Variants in CAPZA1 observed in about 807,000 individuals in gnomAD.
The protein encoded by CAPZA1 is capping actin protein of muscle Z-line subunit alpha 1.
Under a neutral mutation model 40.8 loss-of-function variants are expected in CAPZA1, and 10 were observed. The ratio of observed to expected loss-of-function variants is 0.25; its 90% CI spans 0.15 to 0.42. CAPZA1 has a LOEUF of 0.42. Among genes scored for constraint, CAPZA1 ranks in the 10% least tolerant of loss-of-function variants. CAPZA1 has a pLI of 1.00. For missense variants in CAPZA1, 277 were observed against 353.8 expected (o/e 0.78, Z 1.74); for synonymous variants, 98 against 115.0 (o/e 0.85, Z 0.95).
chr1:112,651,164 C>T (rs912549222), intron 3 of CAPZA1, among the ~76,000 whole-genome samples: 55 of 152,288 alleles, frequency 3.6e-4, no homozygotes, highest in African/African-American at 1.3e-3. Context: ...TACCATCTTT[C>T]CTGGATTTCC....
At chr1:112,638,620 T>C (rs916252815) in intron 1 of CAPZA1, among the ~76,000 whole-genome samples, 4 of 151,470 alleles carry the variant, frequency 2.6e-5, no homozygotes, top group Admixed American at 2.6e-4. Flanking sequence ...CAGCCCAGAC[T>C]TTAGATTTTA....
At chr1:112,635,853 A>AC (rs1298490721) in intron 1 of CAPZA1, among the ~76,000 whole-genome samples, 2 of 151,736 alleles carry the variant, frequency 1.3e-5, no homozygotes, top group Admixed American at 6.6e-5. Flanking sequence ...ACACGGTGAA[A>AC]CCCCACCTCT....
At chr1:112,645,136 C>T (rs1039160379) in intron 1 of CAPZA1, among the ~76,000 whole-genome samples, 1 of 152,312 alleles carries the variant, frequency 6.6e-6, no homozygotes, top group East Asian at 1.9e-4. Flanking sequence ...TGCTCACATA[C>T]CCTGATGAGC....
Position 112,622,008 on chromosome 1 carries a change from G to A in CAPZA1, c.39+2125G>A, listed in dbSNP as rs534827031. Reference sequence around the variant, plus strand: ...GAACTCCTGACCTCATGATCTGCCCGCCTTGGCCTCCCAAAGTGCTGGGAT... The same window carrying A: ...GAACTCCTGACCTCATGATCTGCCCACCTTGGCCTCCCAAAGTGCTGGGAT... On this transcript the variant is annotated intron_variant, in intron 1 of 9. Transcript: ENST00000263168. Among the ~76,000 whole-genome samples, 11 of 151,794 alleles carry A rather than the reference G, an allele frequency of 7.2e-5. No homozygotes were observed. The South Asian group carries it at 1.5e-3, about 20-fold the overall frequency.
rs188413473 is a variant in CAPZA1 at position 112,665,472 on chromosome 1, G to A, written c.586-1602G>A. Among the ~76,000 whole-genome samples the A allele has an allele frequency of 2.4e-3, 367 of 152,204 alleles. 5 individuals carry two copies. The highest frequency in any genetic ancestry group is 9.6e-4 in the East Asian group (5 of 5,192). On this transcript the variant is annotated intron_variant, in intron 7 of 9. Coordinates refer to ENST00000263168, the MANE Select transcript of CAPZA1 (RefSeq NM_006135.3). ...TAGGATTACAGGCATAAACCACCGC[G>A]CCCGGCCTTGTTTCAGCTATTATAA...
At chr1:112,630,089 CTG>C (rs1490494590) in intron 1 of CAPZA1, among the ~76,000 whole-genome samples, 1 of 152,136 alleles carries the variant, frequency 6.6e-6, no homozygotes, top group Non-Finnish European at 1.5e-5. Flanking sequence ...GTCACCAAGA[CTG>C]GAGTTCAGTG....
chr1:112,640,898 G>T (rs1288634337), intron 1 of CAPZA1, among the ~76,000 whole-genome samples: 1 of 152,196 alleles, frequency 6.6e-6, no homozygotes, highest in East Asian at 1.9e-4. Context: ...TCTGCCTTGG[G>T]ATCCTGTTGA....
intron 1 of CAPZA1, among the ~76,000 whole-genome samples, chr1:112,627,311 A>G (rs1670828568): frequency 6.6e-6 from 1 of 152,168 alleles, no homozygotes; most frequent in Non-Finnish European, 1.5e-5. Flanking sequence ...CTTTATAGAC[A>G]CTGAAACATT....
Position 112,670,366 on chromosome 1 carries a change from T to TTTC in CAPZA1, c.*236_*237insCTT, listed in dbSNP as rs1553181449. ...TCTACGTGTAAATCTTTTTTTCTTT[T>TTTC]TTTTTTTTTTTTTTTGGTTAATTCT... On this transcript the variant is annotated 3_prime_UTR_variant, in exon 10 of 10. Coordinates refer to ENST00000263168, the MANE Select transcript of CAPZA1 (RefSeq NM_006135.3). The TTTC allele has an allele frequency of 1.4e-4, 54 of 385,916 alleles. No individual in the cohort carries two copies. Among genetic ancestry groups the TTTC allele is most frequent in the African/African-American group, 2.4e-4 (11 of 46,072 alleles). 23.9% of individuals were successfully genotyped at this position (385,916 alleles called of 1,614,324 possible).
At chr1:112,662,328 T>C (rs1671628891) in intron 7 of CAPZA1, among the ~76,000 whole-genome samples, 1 of 151,940 alleles carries the variant, frequency 6.6e-6, no homozygotes, top group Admixed American at 6.6e-5. Flanking sequence ...CCAGGCTGGG[T>C]TAATTTCTAA....
chr1:112,647,302 C>T (rs1056110179), intron 2 of CAPZA1, 29 bp downstream of exon 2: 2 of 1,158,754 alleles, frequency 1.7e-6, no homozygotes, highest in Non-Finnish European at 2.4e-6. Context: ...TTTAATCCCT[C>T]CTTAATTACC....
intron 5 of CAPZA1, among the ~76,000 whole-genome samples, chr1:112,658,808 A>G (rs1451554353): frequency 1.3e-5 from 2 of 152,304 alleles, no homozygotes; most frequent in Admixed American, 6.5e-5. Flanking sequence ...AACCAAGAGC[A>G]GTATTTCCCT....
intron 1 of CAPZA1, among the ~76,000 whole-genome samples, chr1:112,635,933 G>A (rs1671007669): frequency 6.6e-6 from 1 of 152,142 alleles, no homozygotes; most frequent in Non-Finnish European, 1.5e-5. Context: ...GGAGGCTGGG[G>A]CAGGAGAATT....
chr1:112,634,141 T>C (rs1363877246), intron 1 of CAPZA1, among the ~76,000 whole-genome samples: 1 of 152,172 alleles, frequency 6.6e-6, no homozygotes, highest in Non-Finnish European at 1.5e-5. Flanking sequence ...GGAAATAGCA[T>C]TGAATTCTGT....
chr1:112,660,202 T>G (rs1671578057), intron 7 of CAPZA1, among the ~76,000 whole-genome samples: 1 of 152,010 alleles, frequency 6.6e-6, no homozygotes, highest in South Asian at 2.1e-4. Context: ...CTAAAAATTA[T>G]AACTAGAGAG....
intron 5 of CAPZA1, among the ~76,000 whole-genome samples, chr1:112,655,185 G>C (rs1431853840): frequency 6.6e-6 from 1 of 152,090 alleles, no homozygotes; most frequent in Non-Finnish European, 1.5e-5. Flanking sequence ...AAAACTATTA[G>C]AACTAAACAA....
intron 7 of CAPZA1, 99 bp downstream of exon 7, chr1:112,659,878 A>G: frequency 2.4e-6 from 2 of 820,952 alleles, no homozygotes; most frequent in South Asian, 3.0e-5. Flanking sequence ...TGTAGATGCA[A>G]AGGGAGACTG....
chr1:112,659,016 C>G lies in CAPZA1; in HGVS notation c.427-6C>G, dbSNP rs1671552146. Reference sequence around the variant, plus strand: ...GTCTTTAACTATTTTTTTTTCCCAACAATAGGTTTATGCTAAAACTATCGA... The same window carrying G: ...GTCTTTAACTATTTTTTTTTCCCAAGAATAGGTTTATGCTAAAACTATCGA... On this transcript the variant is annotated splice_polypyrimidine_tract_variant and splice_region_variant and intron_variant, in intron 5 of 9. Coordinates refer to ENST00000263168, the MANE Select transcript of CAPZA1 (RefSeq NM_006135.3). 2 of 1,603,678 alleles carry G rather than the reference C, an allele frequency of 1.2e-6. No individual in the cohort carries two copies. The highest frequency in any genetic ancestry group is 1.7e-6 in the Non-Finnish European group (2 of 1,171,346).
intron 2 of CAPZA1, 93 bp downstream of exon 2, chr1:112,647,366 A>T (rs1671301145): frequency 1.6e-6 from 1 of 623,422 alleles, no homozygotes; most frequent in Admixed American, 3.1e-5. Flanking sequence ...TGTTGTAGCC[A>T]TAGCTAAGTA....
Sources: allele counts gnomAD v4.1 joint callset (sites outside exome capture counted in the v4.1 genomes callset), GRCh38; gene constraint gnomAD v4.1.1; transcripts MANE v1.5; gene names NCBI Gene and HGNC (gene_info 2026-07-23, HGNC 2026-07-21).